PLEKHG4B: variants seen among roughly 807,000 people sequenced by gnomAD.
PLEKHG4B encodes pleckstrin homology and RhoGEF domain containing G4B.
Under a neutral mutation model 121.3 loss-of-function variants are expected in PLEKHG4B, and 111 were observed. That is an observed-to-expected ratio of 0.92 (90% CI 0.78 to 1.07). The LOEUF (loss-of-function observed/expected upper bound fraction) is 1.07. PLEKHG4B is among the 50% of genes least tolerant of loss of function. The pLI, the probability that PLEKHG4B is intolerant of heterozygous loss-of-function variation, is 0.00. For missense variants in PLEKHG4B, 1,831 were observed against 1,757.8 expected (o/e 1.04, Z -0.74); for synonymous variants, 738 against 725.0 (o/e 1.02, Z -0.29).
intron 2 of PLEKHG4B, among the ~76,000 whole-genome samples, chr5:117,616 G>C (rs2126363286): frequency 6.6e-6 from 1 of 152,308 alleles, no homozygotes; most frequent in South Asian, 2.1e-4. Flanking sequence ...ACTTTGGGAG[G>C]CCGAGGAGGG....
intron 1 of PLEKHG4B, among the ~76,000 whole-genome samples, chr5:101,288 T>G (rs1287508652): frequency 1.4e-4 from 16 of 117,622 alleles, no homozygotes; most frequent in Admixed American, 3.2e-4. Context: ...TATAAAGCCC[T>G]GGGAAAAGCC....
At position 155,461 on chromosome 5, in the gene PLEKHG4B, C is replaced by G. The variant is rs370792876; in HGVS notation, c.2208+18C>G. The G allele has an allele frequency of 2.5e-6, 4 of 1,590,420 alleles. No homozygotes were observed. The African/African-American group carries it at 5.4e-5, about 21-fold the overall frequency. ...CAGCCCAGGTGAGTCCTCAGACTTG[C>G]AGGTAAGTTCATTTCATGTGACAGG... On this transcript the variant is annotated intron_variant, in intron 9 of 19. Transcript: ENST00000637938.
Position 159,089 on chromosome 5 carries a change from C to T in PLEKHG4B, c.2487+2178C>T, listed in dbSNP as rs150522428. On this transcript the variant is annotated intron_variant, in intron 11 of 19. Coordinates refer to ENST00000637938, the MANE Select transcript of PLEKHG4B (RefSeq NM_052909.5). The surrounding 1 kb of genome is among the most constrained non-coding windows in gnomAD (Gnocchi z 5.5). ...GTGCCCTGCTTCTCGGTGGAAGCCACAGACTTTCCTGTCGTCCTCGGGGCT... is the reference window on the plus strand; with the variant it reads ...GTGCCCTGCTTCTCGGTGGAAGCCATAGACTTTCCTGTCGTCCTCGGGGCT... Among the ~76,000 whole-genome samples the T allele has an allele frequency of 0.017, 2,496 of 148,226 alleles. 64 individuals carry two copies. The highest frequency in any genetic ancestry group is 0.059 in the African/African-American group (2,359 of 40,126).
intron 2 of PLEKHG4B, among the ~76,000 whole-genome samples, chr5:123,808 G>A (rs1734534796): frequency 6.6e-6 from 1 of 151,884 alleles, no homozygotes; most frequent in African/African-American, 2.4e-5. Flanking sequence ...AGAACCAATT[G>A]TTGGTTTCAT....
At position 150,154 on chromosome 5, in the gene PLEKHG4B, A is replaced by G. The variant is rs564639231; in HGVS notation, c.1906-1359A>G. ...TGAATGGATAAGCAAAATGTGGCCT[A>G]TCTTTACGATGGAATATTATCCAGC... On this transcript the variant is annotated intron_variant, in intron 6 of 19. Transcript: ENST00000637938. 2.0e-5 allele frequency among the ~76,000 whole-genome samples: 3 copies of G among 152,376 alleles called. No homozygotes were observed. The South Asian group carries it at 6.2e-4, about 32-fold the overall frequency.
intron 2 of PLEKHG4B, among the ~76,000 whole-genome samples, chr5:130,447 A>T (rs1170914889): frequency 3.2e-4 from 48 of 152,210 alleles, no homozygotes; most frequent in Non-Finnish European, 8.8e-5. Context: ...TCATCCCTTA[A>T]CGCCCCCCCA....
chr5:154,449 C>G (rs1022967665), intron 7 of PLEKHG4B, among the ~76,000 whole-genome samples: 10 of 151,710 alleles, frequency 6.6e-5, no homozygotes, highest in Non-Finnish European at 1.3e-4. Flanking sequence ...CCTGCTGGCC[C>G]CGCATGCATC....
intron 1 of PLEKHG4B, among the ~76,000 whole-genome samples, chr5:96,306 T>C (rs1733625088): frequency 6.6e-6 from 1 of 152,198 alleles, no homozygotes; most frequent in African/African-American, 2.4e-5. Context: ...ATTCTATGAT[T>C]CTGAAATGAG....
rs2126397740 is a variant in PLEKHG4B at position 140,258 on chromosome 5, CG to C, written c.1024del (p.Asp342ThrfsTer40). ...ATCCCGAGCAGCAGGAGGCGGCCGC[CG>C]GGGGACCCCACTTGTGTGCAGCCTA... ...LGIPSSRRRPPGDPTCVQPRR... is the reference protein window; with the variant it reads ...LGIPSSRRRPXGDPTCVQPRR... On this transcript the variant is annotated frameshift_variant, in exon 3 of 20. Coordinates refer to ENST00000637938, the MANE Select transcript of PLEKHG4B (RefSeq NM_052909.5). LOFTEE classifies it high-confidence loss of function. 3 of 1,454,120 alleles carry C rather than the reference CG, an allele frequency of 2.1e-6. No individual in the cohort carries two copies. Among genetic ancestry groups the C allele is most frequent in the Admixed American group, 2.8e-5 (1 of 35,732 alleles). 90.1% of individuals were successfully genotyped at this position (1,454,120 alleles called of 1,614,324 possible).
chr5:168,071 T>C (rs1261806052), intron 13 of PLEKHG4B, among the ~76,000 whole-genome samples: 1 of 152,168 alleles, frequency 6.6e-6, no homozygotes, highest in East Asian at 1.9e-4. Flanking sequence ...GGTCCTGCCC[T>C]GCCCTGGGGA....
At chr5:171,830 G>A (rs1736564218) in intron 16 of PLEKHG4B, among the ~76,000 whole-genome samples, 1 of 152,254 alleles carries the variant, frequency 6.6e-6, no homozygotes, top group Non-Finnish European at 1.5e-5. Flanking sequence ...AAGGCACTAG[G>A]GCCAGGGCGT....
Position 156,215 on chromosome 5 carries a change from G to A in PLEKHG4B, c.2348+5G>A. 1 of 1,497,992 alleles carries A rather than the reference G, an allele frequency of 6.7e-7. No individual in the cohort carries two copies. The highest frequency in any genetic ancestry group is 8.9e-7 in the Non-Finnish European group (1 of 1,118,134). The allele number at this position is 1,497,992 out of a possible 1,614,324, so 92.8% of individuals were successfully genotyped here. A position where few individuals can be genotyped will look rare whatever the true frequency, so the allele number is the denominator to read the frequency against. ...GCTTGGCACAGAAGACAGCCGGTGAGCGCTCACAGGGGTCATGCTGGGCCC... is the reference window on the plus strand; with the variant it reads ...GCTTGGCACAGAAGACAGCCGGTGAACGCTCACAGGGGTCATGCTGGGCCC... On this transcript the variant is annotated splice_donor_5th_base_variant and intron_variant, in intron 10 of 19. Transcript: ENST00000637938. This position sits in a 1 kb window ranked among gnomAD's most constrained non-coding sequence, Gnocchi z 4.4.
At chr5:134,460 C>T (rs970573781) in intron 2 of PLEKHG4B, among the ~76,000 whole-genome samples, 1 of 151,724 alleles carries the variant, frequency 6.6e-6, no homozygotes, top group African/African-American at 2.4e-5. Context: ...CTCCGAAACA[C>T]CTATTGAAAT....
rs993443389 is a variant in PLEKHG4B at position 159,597 on chromosome 5, G to T, written c.2488-2186G>T. On this transcript the variant is annotated intron_variant, in intron 11 of 19. Transcript: ENST00000637938. This position sits in a 1 kb window ranked among gnomAD's most constrained non-coding sequence, Gnocchi z 5.5. ...GTCCCCTCTCCATACTAATCATGAT[G>T]AGTCTGCACAGTCTGTGGCTTCTGT... 3.3e-5 allele frequency among the ~76,000 whole-genome samples: 5 copies of T among 152,162 alleles called. No homozygotes were observed. Among genetic ancestry groups the T allele is most frequent in the Admixed American group, 3.3e-4 (5 of 15,280 alleles).
Position 173,931 on chromosome 5 carries a change from G to A in PLEKHG4B, c.4235G>A (p.Gly1412Glu). 1 of 1,613,576 alleles carries A rather than the reference G, an allele frequency of 6.2e-7. No homozygotes were observed. The highest frequency in any genetic ancestry group is 8.5e-7 in the Non-Finnish European group (1 of 1,179,906). The change falls in exon 18 of 20, where the codon GGG becomes GAG. Residue 1412 changes from glycine (G) to glutamate (E), a missense_variant. Transcript: ENST00000637938. ...YKQSFKTAEIGMTENVGDSGL... is the reference protein window; with the variant it reads ...YKQSFKTAEIEMTENVGDSGL... ...TGCTGACTGCAGACGGCCGAGATCGGGATGACAGAGAACGTCGGGGACAGT... is the reference window on the plus strand; with the variant it reads ...TGCTGACTGCAGACGGCCGAGATCGAGATGACAGAGAACGTCGGGGACAGT...
intron 1 of PLEKHG4B, among the ~76,000 whole-genome samples, chr5:95,049 C>A (rs1733591130): frequency 6.6e-6 from 1 of 152,220 alleles, no homozygotes; most frequent in East Asian, 1.9e-4. Flanking sequence ...ATCTGGGACA[C>A]TTTTCTGGGC....
rs768621795 is a variant in PLEKHG4B, at chr5:174,055, T to C, written c.4359T>C (p.Asp1453=). The C allele has an allele frequency of 1.9e-6, 3 of 1,597,166 alleles. No individual in the cohort carries two copies. The highest frequency in any genetic ancestry group is 2.6e-6 in the Non-Finnish European group (3 of 1,173,216). Residue 1453 remains aspartate (D), a synonymous_variant, in exon 18 of 20, where the codon GAT becomes GAC. Coordinates refer to ENST00000637938, the MANE Select transcript of PLEKHG4B (RefSeq NM_052909.5). The stretch of plus-strand genomic sequence containing the variant: ...CAGAGGTCAAGAGTGCATGGACCGA[T>C]GTCATAGGGAGGATCCTGTGGCGGC... ...SSAEVKSAWT[D]VIGRILWRQA...
chr5:97,559 G>A (rs550539148), intron 1 of PLEKHG4B, among the ~76,000 whole-genome samples: 23 of 152,328 alleles, frequency 1.5e-4, no homozygotes, highest in Admixed American at 7.8e-4. Context: ...ATATAGGGTT[G>A]TGTGTCTGGT....
intron 14 of PLEKHG4B, among the ~76,000 whole-genome samples, chr5:170,232 C>T (rs1736497345): frequency 6.6e-6 from 1 of 152,192 alleles, no homozygotes; most frequent in Non-Finnish European, 1.5e-5. Context: ...TGTCCCAGAC[C>T]ACTGAGCACA....
Sources: gnomAD v4.1 joint callset for allele counts (sites outside exome capture counted in the v4.1 genomes callset) on GRCh38, gnomAD v4.1.1 for gene constraint, Gnocchi (gnomAD v3.1) non-coding constraint, MANE v1.5 for transcripts, NCBI Gene and HGNC (gene_info 2026-07-23, HGNC 2026-07-21) for gene names.